Variants in MLIP observed in about 807,000 individuals in gnomAD.
The protein encoded by MLIP is muscular LMNA interacting protein, also known as muscular LMNA-interacting protein.
A neutral mutation model predicts 84.8 loss-of-function variants in MLIP; 79 were observed. The observed-to-expected ratio is 0.93, with a 90% CI of 0.78 to 1.12. The LOEUF is 1.12. MLIP is among the 50% of genes most tolerant of loss of function. The pLI, the probability that MLIP is intolerant of heterozygous loss-of-function variation, is 0.00. For missense variants in MLIP, 1,257 were observed against 1,160.6 expected, an observed-to-expected ratio of 1.08 and a Z score of -1.21; for synonymous variants, 504 against 463.0, an observed-to-expected ratio of 1.09 and a Z score of -1.14.
intron 3 of MLIP, among the ~76,000 whole-genome samples, chr6:54,125,316 AG>A (rs1475378127): frequency 7.2e-5 from 11 of 152,238 alleles, no homozygotes; most frequent in African/African-American, 2.4e-4. Context: ...GTAAAAGACT[AG>A]TAAAAGGATA....
At chr6:54,073,816 T>C (rs916168944) in intron 1 of MLIP, among the ~76,000 whole-genome samples, 2 of 152,242 alleles carry the variant, frequency 1.3e-5, no homozygotes, top group African/African-American at 4.8e-5. Flanking sequence ...CAAGAGAATG[T>C]GAAATTTAAA....
intron 1 of MLIP, among the ~76,000 whole-genome samples, chr6:54,050,414 C>T (rs978334242): frequency 1.3e-5 from 2 of 152,102 alleles, no homozygotes; most frequent in Non-Finnish European, 2.9e-5. Flanking sequence ...ACCATGAATT[C>T]ATTCTGCATA....
chr6:54,170,582 A>G (rs928608181), intron 9 of MLIP, among the ~76,000 whole-genome samples: 5 of 151,540 alleles, frequency 3.3e-5, no homozygotes, highest in Admixed American at 2.6e-4. Flanking sequence ...AGTAGACTAG[A>G]CCCGAGTTTA....
At chr6:54,080,771 CTG>C (rs1449521048) in intron 1 of MLIP, among the ~76,000 whole-genome samples, 3 of 148,618 alleles carry the variant, frequency 2.0e-5, no homozygotes, top group African/African-American at 7.4e-5. Context: ...TATTATATAT[CTG>C]TGTCTACATA....
chr6:54,148,423 G>A (rs1773086047), intron 4 of MLIP, among the ~76,000 whole-genome samples: 1 of 152,120 alleles, frequency 6.6e-6, no homozygotes, highest in Non-Finnish European at 1.5e-5. Context: ...TAACATAACT[G>A]TTAGAAGGTG....
rs528695034 is a variant in MLIP at position 54,217,653 on chromosome 6, G to A, written c.2719-13061G>A. The A allele has an allele frequency of 2.6e-5, 26 of 983,426 alleles. 1 individual carries two copies. In the East Asian group the frequency reaches 2.6e-3, roughly 99 times the overall value. The allele number at this position is 983,426 out of a possible 1,614,324, so 60.9% of individuals were successfully genotyped here. Reference sequence around the variant, plus strand: ...TTCAAAAATCAAGCTCCTCAGTAAAGCCTTTTTTTGAAACATTAGTTCTAT... The same window carrying A: ...TTCAAAAATCAAGCTCCTCAGTAAAACCTTTTTTTGAAACATTAGTTCTAT... On this transcript the variant is annotated intron_variant, in intron 11 of 13. Transcript: ENST00000502396.
In MLIP at chr6:54,137,246, A is replaced by G. The variant is rs1213325014; in HGVS notation, c.1177A>G (p.Ser393Gly). The part of the protein sequence containing the change: ...SFHGSSSTIC[S>G]QMSSSGNLSK... Reference sequence around the variant, plus strand: ...CCACGGCTCTTCTTCCACCATCTGCAGCCAAATGTCATCTAGTGGAAATCT... The same window carrying G: ...CCACGGCTCTTCTTCCACCATCTGCGGCCAAATGTCATCTAGTGGAAATCT... Residue 393 changes from serine (S) to glycine (G), a missense_variant, in exon 4 of 14, where the codon AGC becomes GGC. Ser to Gly is a moderately conservative substitution (Grantham distance 56). Coordinates refer to ENST00000502396, the MANE Select transcript of MLIP (RefSeq NM_001281747.2). The G allele has an allele frequency of 6.5e-7, 1 of 1,535,998 alleles. No homozygotes were observed. Among genetic ancestry groups the G allele is most frequent in the Non-Finnish European group, 8.7e-7 (1 of 1,146,880 alleles).
At chr6:54,145,617 TA>T (rs140109558) in intron 4 of MLIP, among the ~76,000 whole-genome samples, 10,724 of 150,400 alleles carry the variant, frequency 0.071, 539 homozygotes, top group East Asian at 0.23. Flanking sequence ...ACAAAAAAAA[TA>T]AAAAAAAATT....
At chr6:54,154,371 A>T (rs1182735474) in intron 5 of MLIP, among the ~76,000 whole-genome samples, 1 of 152,196 alleles carries the variant, frequency 6.6e-6, no homozygotes, top group Non-Finnish European at 1.5e-5. Context: ...AAAAGCTTAT[A>T]GAACAGCCTT....
upstream of MLIP, among the ~76,000 whole-genome samples, chr6:54,110,541 T>C (rs1769375564): frequency 1.3e-5 from 2 of 152,206 alleles, no homozygotes; most frequent in African/African-American, 2.4e-5. Context: ...GAATCACTTA[T>C]AGCAATTATT....
chr6:54,087,076 C>A (rs948014954), intron 1 of MLIP, among the ~76,000 whole-genome samples: 1 of 152,062 alleles, frequency 6.6e-6, no homozygotes, highest in Non-Finnish European at 1.5e-5. Context: ...CTGTTGTATC[C>A]CCAGGATCTA....
At chr6:54,194,922 G>T (rs1582466079) in intron 10 of MLIP, among the ~76,000 whole-genome samples, 1 of 151,438 alleles carries the variant, frequency 6.6e-6, no homozygotes, top group Non-Finnish European at 1.5e-5. Context: ...TTGTTTGAGG[G>T]GAAAACATAG....
exon 1 of MLIP, chr6:54,018,973 C>T: frequency 6.8e-7 from 1 of 1,466,202 alleles, no homozygotes; most frequent in Non-Finnish European, 9.5e-7. Context: ...ATTTTCTAGA[C>T]AGAATCTGAA....
chr6:54,085,166 A>C (rs923972754), intron 1 of MLIP, among the ~76,000 whole-genome samples: 2 of 152,180 alleles, frequency 1.3e-5, no homozygotes, highest in Admixed American at 1.3e-4. Flanking sequence ...TGACAGTTAC[A>C]ACTTCATCCT....
chr6:54,080,421 A>C (rs1767063910), intron 1 of MLIP, among the ~76,000 whole-genome samples: 1 of 152,072 alleles, frequency 6.6e-6, no homozygotes, highest in Admixed American at 6.6e-5. Flanking sequence ...TGAGGTTGAC[A>C]ACTGATCAGA....
rs973081526 is a variant in MLIP, at chr6:54,257,439, A to C, written c.2976+78A>C. 9 of 1,117,468 alleles carry C rather than the reference A, an allele frequency of 8.1e-6. No homozygotes were observed. The African/African-American group carries it at 1.4e-4, about 18-fold the overall frequency. 69.2% of individuals were successfully genotyped at this position (1,117,468 alleles called of 1,614,324 possible). A position where few individuals can be genotyped will look rare whatever the true frequency, so the allele number is the denominator to read the frequency against. ...GAAATAAACCAATCTTATTTTTTTAATGTTAACAAAATTGTGCTTTTATAA... is the reference window on the plus strand; with the variant it reads ...GAAATAAACCAATCTTATTTTTTTACTGTTAACAAAATTGTGCTTTTATAA... On this transcript the variant is annotated intron_variant, in intron 13 of 13. Transcript: ENST00000502396.
chr6:54,031,202 T>C (rs1336987560), intron 1 of MLIP, among the ~76,000 whole-genome samples: 1 of 136,492 alleles, frequency 7.3e-6, no homozygotes, highest in African/African-American at 2.6e-5. Context: ...AGATTTCAAA[T>C]AGCTCAGAGT....
At chr6:54,063,721 CGT>C (rs368630379) in intron 1 of MLIP, among the ~76,000 whole-genome samples, 4,671 of 142,844 alleles carry the variant, frequency 0.033, 93 homozygotes, top group Middle Eastern at 0.04. Context: ...AGGTCAGTGG[CGT>C]GTGTGTGTGT....
Position 54,020,696 on chromosome 6 carries a change from A to G in MLIP, c.63+1605A>G, listed in dbSNP as rs545269525. 1.4e-4 allele frequency among the ~76,000 whole-genome samples: 22 copies of G among 152,350 alleles called. No individual in the cohort carries two copies. The South Asian group carries it at 3.7e-3, about 26-fold the overall frequency. On this transcript the variant is annotated intron_variant, in intron 1 of 12. Transcript: ENST00000274897. ...GCCTGACTCTATCTTGAATACAGCT[A>G]TAAATCTAGAAGTGAGCAAAAACCT...
Sources: allele counts gnomAD v4.1 joint callset (sites outside exome capture counted in the v4.1 genomes callset), GRCh38; gene constraint gnomAD v4.1.1; transcripts MANE v1.5; gene names NCBI Gene and HGNC (gene_info 2026-07-23, HGNC 2026-07-21).